The following NUP214 variants were observed in gnomAD, a reference collection of about 807,000 sequenced individuals.
NUP214 encodes the protein nuclear pore complex protein Nup214.
In NUP214, 79 loss-of-function variants were observed where a neutral mutation model predicts 196.2. The ratio of observed to expected loss-of-function variants is 0.40; its 90% CI spans 0.34 to 0.49. The LOEUF (loss-of-function observed/expected upper bound fraction) is 0.49. NUP214 is among the 20% of genes least tolerant of loss of function. The pLI, the probability that NUP214 is intolerant of heterozygous loss-of-function variation, is 0.58. For missense variants in NUP214, 2,468 were observed against 2,539.0 expected, an observed-to-expected ratio of 0.97 and a Z score of 0.60; for synonymous variants, 1,020 against 990.5, an observed-to-expected ratio of 1.03 and a Z score of -0.56.
intron 29 of NUP214, among the ~76,000 whole-genome samples, chr9:131,199,466 G>A (rs74419744): frequency 4.5e-4 from 68 of 152,270 alleles, no homozygotes; most frequent in Non-Finnish European, 6.3e-4. Flanking sequence ...ATAGTCCACC[G>A]CCCTGCCAGT....
chr9:131,154,333 G>GTGTACAC (rs1832368328), intron 17 of NUP214, among the ~76,000 whole-genome samples: 1 of 152,068 alleles, frequency 6.6e-6, no homozygotes, highest in South Asian at 2.1e-4. Flanking sequence ...CATCCAAGCA[G>GTGTACAC]TGTACACTGT....
In NUP214 at chr9:131,175,502, G is replaced by C; in HGVS notation, c.3200G>C (p.Ser1067Thr). 1.2e-6 allele frequency: 2 copies of C among 1,614,196 alleles called. No individual in the cohort carries two copies. The highest frequency in any genetic ancestry group is 2.7e-5 in the African/African-American group (2 of 75,052). Residue 1067 changes from serine (S) to threonine (T), a missense_variant, in exon 23 of 36, where the codon AGC becomes ACC. Coordinates refer to ENST00000359428, the MANE Select transcript of NUP214 (RefSeq NM_005085.4). ...ASKIIPQGADSTMLATKTVKH... is the reference protein window; with the variant it reads ...ASKIIPQGADTTMLATKTVKH... The stretch of plus-strand genomic sequence containing the variant: ...AAAATTATTCCTCAAGGGGCCGATA[G>C]CACAATGCTTGCCACGAAAACCGTG...
Position 131,163,150 on chromosome 9 carries a change from TC to T in NUP214, c.2702del (p.Pro901LeufsTer21), listed in dbSNP as rs770685276. The T allele has an allele frequency of 1.5e-5, 24 of 1,613,058 alleles. No individual in the cohort carries two copies. Among genetic ancestry groups the T allele is most frequent in the Non-Finnish European group, 1.6e-5 (19 of 1,179,708 alleles). ...TSLWSLSSAV[P>X]SQSSIHSFDS... ...CCCTGTGGAGCCTGTCCTCGGCTGT[TC>T]CTTCCCAGAGCAGCATTCACAGGTG... is the stretch of plus-strand genomic sequence containing the variant. On this transcript the variant is annotated frameshift_variant, in exon 19 of 36. Transcript: ENST00000359428. LOFTEE classifies it high-confidence loss of function.
intron 31 of NUP214, among the ~76,000 whole-genome samples, chr9:131,220,575 G>T (rs1343236893): frequency 1.3e-5 from 2 of 152,218 alleles, no homozygotes; most frequent in Non-Finnish European, 2.9e-5. Flanking sequence ...GAAGGAAGAG[G>T]TTGAAGGAAC....
intron 25 of NUP214, among the ~76,000 whole-genome samples, chr9:131,188,417 C>T (rs1295251221): frequency 6.6e-6 from 1 of 152,218 alleles, no homozygotes; most frequent in Non-Finnish European, 1.5e-5. Flanking sequence ...TCTCACTACT[C>T]TTACATCTGT....
At chr9:131,153,690 A>G (rs2133524512) in intron 17 of NUP214, among the ~76,000 whole-genome samples, 1 of 152,350 alleles carries the variant, frequency 6.6e-6, no homozygotes. Flanking sequence ...AGTGTTTACT[A>G]TGGACAATGC....
At chr9:131,226,296 C>T (rs781358291) in intron 32 of NUP214, among the ~76,000 whole-genome samples, 1 of 152,102 alleles carries the variant, frequency 6.6e-6, no homozygotes, top group Admixed American at 6.5e-5. Flanking sequence ...TATGAAAATA[C>T]GGCAACTGAT....
intron 9 of NUP214, 133 bp downstream of exon 9, chr9:131,136,139 C>G (rs1831720184): frequency 2.9e-6 from 2 of 695,536 alleles, no homozygotes; most frequent in Middle Eastern, 4.2e-4. Flanking sequence ...CTTCCAAGTT[C>G]AAGCAATTTT....
chr9:131,225,815 A>G (rs962992105), intron 32 of NUP214, among the ~76,000 whole-genome samples: 26 of 152,204 alleles, frequency 1.7e-4, no homozygotes, highest in African/African-American at 6.0e-4. Context: ...GATGATTTGG[A>G]TGGGTCTTTG....
intron 24 of NUP214, among the ~76,000 whole-genome samples, chr9:131,181,308 A>G (rs1833272315): frequency 6.6e-6 from 1 of 152,180 alleles, no homozygotes; most frequent in Non-Finnish European, 1.5e-5. Flanking sequence ...GGAGTAGGTC[A>G]GGAAAGACTG....
At position 131,215,256 on chromosome 9, in the gene NUP214, T is replaced by C. The variant is rs985285159; in HGVS notation, c.5637T>C (p.Thr1879=). The part of the protein sequence containing the change: ...SSGSVFGSGN[T]GRGGGFFSGL... ...GTAGCGTGTTTGGGTCTGGAAACACTGGAAGAGGGGGAGGTTTCTTCAGTG... is the reference window on the plus strand; with the variant it reads ...GTAGCGTGTTTGGGTCTGGAAACACCGGAAGAGGGGGAGGTTTCTTCAGTG... Residue 1879 remains threonine (T), a synonymous_variant, in exon 31 of 36, where the codon ACT becomes ACC. Transcript: ENST00000359428. 2 of 1,601,776 alleles carry C rather than the reference T, an allele frequency of 1.2e-6. No homozygotes were observed. Among genetic ancestry groups the C allele is most frequent in the Non-Finnish European group, 1.7e-6 (2 of 1,174,388 alleles).
intron 30 of NUP214, among the ~76,000 whole-genome samples, chr9:131,208,897 C>T (rs1834158044): frequency 6.6e-6 from 1 of 150,882 alleles, no homozygotes; most frequent in Non-Finnish European, 1.5e-5. Flanking sequence ...CCGGTAGTCC[C>T]AGCTACTTGG....
chr9:131,140,728 C>T lies in NUP214; in HGVS notation c.1294+18C>T. ...GTCACCAGGTATGTGCCTCTGCCTG[C>T]TTTATCAGTAAGGGAATACCATGGG... On this transcript the variant is annotated intron_variant, in intron 11 of 35. Coordinates refer to ENST00000359428, the MANE Select transcript of NUP214 (RefSeq NM_005085.4). 1.9e-6 allele frequency: 3 copies of T among 1,607,146 alleles called. No individual in the cohort carries two copies. The highest frequency in any genetic ancestry group is 2.5e-6 in the Non-Finnish European group (3 of 1,177,068).
intron 25 of NUP214, 43 bp from the exon 26 acceptor site, chr9:131,189,010 G>A (rs1226250263): frequency 3.8e-6 from 5 of 1,303,836 alleles, no homozygotes; most frequent in African/African-American, 2.9e-5. Context: ...ACAAAGAATG[G>A]TTAGTGGTTT....
At chr9:131,177,996 C>T (rs1440698520) in intron 23 of NUP214, among the ~76,000 whole-genome samples, 1 of 152,120 alleles carries the variant, frequency 6.6e-6, no homozygotes, top group Non-Finnish European at 1.5e-5. Context: ...CTCAAGCTGC[C>T]CTTTTCCAGG....
rs201962628 is a variant in NUP214, at chr9:131,147,493, G to T, written c.1949G>T (p.Arg650Leu). Residue 650 changes from arginine (R) to leucine (L), a missense_variant, in exon 14 of 36, where the codon CGA becomes CTA. Coordinates refer to ENST00000359428, the MANE Select transcript of NUP214 (RefSeq NM_005085.4). ...AACTGACTTCTTTTTCAAGCAGGAC[G>T]ATCTGCTCAGGGCAGTTCAAGCCCA... ...KSSVLPSPSGRSAQGSSSPVP... is the reference protein window; with the variant it reads ...KSSVLPSPSGLSAQGSSSPVP... 3 of 1,608,680 alleles carry T rather than the reference G, an allele frequency of 1.9e-6. No homozygotes were observed. The highest frequency in any genetic ancestry group is 1.7e-5 in the Admixed American group (1 of 58,564).
chr9:131,162,147 A>C (rs573134173), intron 18 of NUP214, among the ~76,000 whole-genome samples: 9 of 152,310 alleles, frequency 5.9e-5, no homozygotes, highest in African/African-American at 2.2e-4. Flanking sequence ...ACTGACTACT[A>C]TAGACAATTG....
In NUP214 at chr9:131,210,590, G is replaced by A. The variant is rs1247337742; in HGVS notation, c.5593-4622G>A. On this transcript the variant is annotated intron_variant, in intron 30 of 35. Coordinates refer to ENST00000359428, the MANE Select transcript of NUP214 (RefSeq NM_005085.4). ...TGTGGTGAGCCGAGATCACACCACTGCACTCCAGCCTGGGAAACAGAGCGA... is the reference window on the plus strand; with the variant it reads ...TGTGGTGAGCCGAGATCACACCACTACACTCCAGCCTGGGAAACAGAGCGA... Among the ~76,000 whole-genome samples, 3 of 151,456 alleles carry A rather than the reference G, an allele frequency of 2.0e-5. No homozygotes were observed. In the East Asian group the frequency reaches 5.8e-4, roughly 29 times the overall value.
chr9:131,132,601 G>T lies in NUP214; in HGVS notation c.669G>T (p.Leu223Phe). 6.2e-7 allele frequency: 1 copy of T among 1,613,556 alleles called. No homozygotes were observed. The highest frequency in any genetic ancestry group is 1.3e-5 in the African/African-American group (1 of 75,000). ...CCCCTCCAAATCTCTTTCAGACTTT[G>T]CAGGAAAAAAAAGTCATTCCTTGTC... ...NGTVVQYLPT[L>F]QEKKVIPCPP... The change falls in exon 6 of 36, where the codon TTG becomes TTT. Residue 223 changes from leucine (L) to phenylalanine (F), a missense_variant. By Grantham distance (22) the Leu-to-Phe change is conservative (BLOSUM62 0). Coordinates refer to ENST00000359428, the MANE Select transcript of NUP214 (RefSeq NM_005085.4).
Sources: allele counts gnomAD v4.1 joint callset (sites outside exome capture counted in the v4.1 genomes callset), GRCh38; gene constraint gnomAD v4.1.1; transcripts MANE v1.5; gene names NCBI Gene and HGNC (gene_info 2026-07-23, HGNC 2026-07-21).